Variants in CEPT1 observed in about 807,000 individuals in gnomAD.
CEPT1 encodes the protein choline/ethanolamine phosphotransferase 1.
A neutral mutation model predicts 42.6 loss-of-function variants in CEPT1; 7 were observed. The ratio of observed to expected loss-of-function variants is 0.16; its 90% CI spans 0.09 to 0.31. The LOEUF (loss-of-function observed/expected upper bound fraction) is 0.31. Among genes scored for constraint, CEPT1 ranks in the 10% least tolerant of loss-of-function variants. The pLI, the probability that CEPT1 is intolerant of heterozygous loss-of-function variation, is 1.00. For synonymous variants in CEPT1, 171 were observed against 171.9 expected (o/e 0.99, Z 0.04); for missense variants, 306 against 502.1 (o/e 0.61, Z 3.73).
intron 2 of CEPT1, among the ~76,000 whole-genome samples, chr1:111,157,815 T>G (rs910367557): frequency 6.6e-6 from 1 of 152,228 alleles, no homozygotes; most frequent in African/African-American, 2.4e-5. Context: ...TAAATAGATC[T>G]CTATCAGAGA....
At chr1:111,174,262 G>T (rs1656565170) in intron 4 of CEPT1, among the ~76,000 whole-genome samples, 1 of 151,940 alleles carries the variant, frequency 6.6e-6, no homozygotes, top group South Asian at 2.1e-4. Context: ...ATTATTTTCA[G>T]CAACCCCAAA....
Position 111,148,070 on chromosome 1 carries a change from A to G in CEPT1, c.339+17A>G. The G allele has an allele frequency of 3.1e-6, 5 of 1,589,330 alleles. No homozygotes were observed. The highest frequency in any genetic ancestry group is 4.3e-6 in the Non-Finnish European group (5 of 1,159,274). ...ACAGAGCAGGTAAGAGTTTCTTAACAGATCTCAACATTTGCTATATACCAA... is the reference window on the plus strand; with the variant it reads ...ACAGAGCAGGTAAGAGTTTCTTAACGGATCTCAACATTTGCTATATACCAA... On this transcript the variant is annotated intron_variant, in intron 2 of 8. Transcript: ENST00000357172.
chr1:111,161,249 T>C lies in CEPT1; in HGVS notation c.582T>C (p.Tyr194=). The change falls in exon 4 of 9, where the codon TAT becomes TAC. Residue 194 remains tyrosine, a synonymous_variant. Transcript: ENST00000357172. ...FCCFAGTFMF[Y]CAHWQTYVSG... Reference sequence around the variant, plus strand: ...GTTTTGCGGGGACATTTATGTTCTATTGTGCGCACTGGCAAACGTATGTTT... The same window carrying C: ...GTTTTGCGGGGACATTTATGTTCTACTGTGCGCACTGGCAAACGTATGTTT... The C allele has an allele frequency of 6.2e-7, 1 of 1,613,910 alleles. No homozygotes were observed. Among genetic ancestry groups the C allele is most frequent in the East Asian group, 2.2e-5 (1 of 44,860 alleles).
intron 1 of CEPT1, among the ~76,000 whole-genome samples, chr1:111,143,054 CAAAT>C (rs1654747238): frequency 6.6e-6 from 1 of 152,184 alleles, no homozygotes. Flanking sequence ...TCTCAGTTAA[CAAAT>C]AATTTTGGCT....
Position 111,183,409 on chromosome 1 carries a change from G to A in CEPT1, c.1006-53G>A, listed in dbSNP as rs934706750. 9 of 1,589,458 alleles carry A rather than the reference G, an allele frequency of 5.7e-6. No individual in the cohort carries two copies. In the African/African-American group the frequency reaches 8.1e-5, roughly 14 times the overall value. ...TGAGCACAATATGATTTACTGTGTA[G>A]TTCACAATTGTCCTCTTATGAAAAT... On this transcript the variant is annotated intron_variant, in intron 7 of 8. Transcript: ENST00000357172.
chr1:111,160,745 T>TAA, intron 3 of CEPT1: 4 of 159,496 alleles, frequency 2.5e-5, no homozygotes, highest in South Asian at 1.5e-4. Flanking sequence ...AATATCTGTT[T>TAA]AAAAAAAAAA....
In CEPT1 at chr1:111,164,864, C is replaced by G. The variant is rs533384779; in HGVS notation, c.629+3568C>G. ...GGTCTCGATCTCCTGACCTCGTGAT[C>G]TGCCCACCTTGGCCTCCCAAAGTGC... is the stretch of plus-strand genomic sequence containing the variant. On this transcript the variant is annotated intron_variant, in intron 4 of 8. Coordinates refer to ENST00000357172, the MANE Select transcript of CEPT1 (RefSeq NM_006090.5). 8.6e-5 allele frequency among the ~76,000 whole-genome samples: 13 copies of G among 151,866 alleles called. No individual in the cohort carries two copies. The South Asian group carries it at 2.7e-3, about 32-fold the overall frequency.
chr1:111,160,983 T>C, intron 3 of CEPT1, 172 bp from the exon 4 acceptor site: 1 of 645,750 alleles, frequency 1.5e-6, no homozygotes. Context: ...GAGATTGAAA[T>C]TATGGGGTAA....
At chr1:111,160,953 T>TA (rs71096395) in intron 3 of CEPT1, 100,645 of 453,394 alleles carry the variant, frequency 0.22, 6,103 homozygotes, top group African/African-American at 0.25. Flanking sequence ...AGTGATTTGG[T>TA]AAAAAAAAAA....
intron 3 of CEPT1, 179 bp from the exon 4 acceptor site, chr1:111,160,976 A>T: frequency 1.7e-5 from 10 of 583,528 alleles, no homozygotes; most frequent in Non-Finnish European, 2.3e-5. Context: ...AAAAAGAGAG[A>T]TTGAAATTAT....
chr1:111,145,842 A>G (rs1454157195), intron 1 of CEPT1, among the ~76,000 whole-genome samples: 1 of 152,170 alleles, frequency 6.6e-6, no homozygotes, highest in Non-Finnish European at 1.5e-5. Flanking sequence ...TCCACCCCAG[A>G]CAGGGGGGAA....
intron 4 of CEPT1, among the ~76,000 whole-genome samples, chr1:111,170,704 T>G (rs1294176099): frequency 6.6e-6 from 1 of 152,162 alleles, no homozygotes; most frequent in African/African-American, 2.4e-5. Flanking sequence ...GAGCTTCAAA[T>G]CCCTTTACAG....
chr1:111,170,702 A>C (rs1373544996), intron 4 of CEPT1, among the ~76,000 whole-genome samples: 2 of 152,172 alleles, frequency 1.3e-5, no homozygotes, highest in African/African-American at 4.8e-5. Flanking sequence ...TAGAGCTTCA[A>C]ATCCCTTTAC....
chr1:111,166,142 C>T (rs550863371), intron 4 of CEPT1, among the ~76,000 whole-genome samples: 2 of 152,096 alleles, frequency 1.3e-5, no homozygotes, highest in African/African-American at 2.4e-5. Context: ...CAGCTCCGTT[C>T]GTTTAATTTT....
intron 2 of CEPT1, 83 bp downstream of exon 2, chr1:111,148,136 A>G (rs1448111659): frequency 8.9e-6 from 9 of 1,014,830 alleles, no homozygotes; most frequent in Non-Finnish European, 1.2e-5. Flanking sequence ...TTAACTAAAG[A>G]TAAAGTAATC....
intron 2 of CEPT1, among the ~76,000 whole-genome samples, chr1:111,154,662 G>GTAT (rs898530154): frequency 6.6e-6 from 1 of 152,102 alleles, no homozygotes; most frequent in African/African-American, 2.4e-5. Context: ...TATGTTTCTT[G>GTAT]TATGCATAAT....
chr1:111,182,593 T>C (rs1657044316), intron 6 of CEPT1: 3 of 582,106 alleles, frequency 5.2e-6, no homozygotes, highest in South Asian at 2.5e-5. Flanking sequence ...CCTGGTCTCT[T>C]AAGTGAAATC....
rs144709439 is a variant in CEPT1 at position 111,147,835 on chromosome 1, C to A, written c.121C>A (p.Pro41Thr). Residue 41 changes from proline to threonine, a missense_variant, in exon 2 of 9, where the codon CCA (proline) becomes ACA (threonine). Coordinates refer to ENST00000357172, the MANE Select transcript of CEPT1 (RefSeq NM_006090.5). ...AAATAAATTGTTTCAGTTACCAACA[C>A]CACCATTGTCAAGACACCAACTAAA... The part of the protein sequence containing the change: ...VLNKLFQLPT[P>T]PLSRHQLKRL... 1 of 1,614,046 alleles carries A rather than the reference C, an allele frequency of 6.2e-7. No individual in the cohort carries two copies.
intron 4 of CEPT1, among the ~76,000 whole-genome samples, chr1:111,170,521 A>T (rs1444263262): frequency 6.6e-6 from 1 of 152,196 alleles, no homozygotes; most frequent in African/African-American, 2.4e-5. Context: ...TAATACTAAG[A>T]TTACCATGTC....
Sources: gnomAD v4.1 joint callset for allele counts (sites outside exome capture counted in the v4.1 genomes callset) on GRCh38, gnomAD v4.1.1 for gene constraint, MANE v1.5 for transcripts, NCBI Gene and HGNC (gene_info 2026-07-23, HGNC 2026-07-21) for gene names.